WNT5B: variants seen among roughly 807,000 people sequenced by gnomAD.
WNT5B encodes the protein Wnt family member 5B.
A neutral mutation model predicts 36.5 loss-of-function variants in WNT5B; 18 were observed. That is an observed-to-expected ratio of 0.49 (90% CI 0.34 to 0.73). WNT5B has a LOEUF of 0.73. Ranked by LOEUF, WNT5B falls within the 30% of genes least tolerant of loss-of-function variation. The pLI, the probability that WNT5B is intolerant of heterozygous loss-of-function variation, is 0.01. For missense variants in WNT5B, 424 were observed against 508.4 expected (o/e 0.83, Z 1.60); for synonymous variants, 213 against 212.3 (o/e 1.00, Z -0.03).
At chr12:1,637,581 C>CAA (rs61542245) in intron 3 of WNT5B, among the ~76,000 whole-genome samples, 28 of 110,372 alleles carry the variant, frequency 2.5e-4, no homozygotes, top group African/African-American at 9.0e-4. Flanking sequence ...ACTAAACATA[C>CAA]AAAAAAAAAA....
intron 4 of WNT5B, among the ~76,000 whole-genome samples, chr12:1,643,971 A>G (rs1177273566): frequency 6.6e-6 from 1 of 152,074 alleles, no homozygotes; most frequent in Non-Finnish European, 1.5e-5. Flanking sequence ...CTTGCCCTGC[A>G]GGGTCTTGCT....
upstream of WNT5B, among the ~76,000 whole-genome samples, chr12:1,626,708 G>A (rs1403935662): frequency 1.3e-5 from 2 of 152,072 alleles, no homozygotes; most frequent in Non-Finnish European, 1.5e-5. Flanking sequence ...GGGACTACAG[G>A]CGCCCGCCAC....
chr12:1,633,098 C>G lies in WNT5B; in HGVS notation c.328+193C>G, dbSNP rs7314133. The stretch of plus-strand genomic sequence containing the variant: ...GCTCTGGGAGGCTGCAGAAACCACA[C>G]GCTTGATGTTCCTCTAGCTCTCTGC... On this transcript the variant is annotated intron_variant, in intron 3 of 4. Transcript: ENST00000397196. This position sits in a 1 kb window ranked among gnomAD's most constrained non-coding sequence, Gnocchi z 4.8. Among the ~76,000 whole-genome samples, 259 of 152,230 alleles carry G rather than the reference C, an allele frequency of 1.7e-3. No individual in the cohort carries two copies. Among genetic ancestry groups the G allele is most frequent in the Non-Finnish European group, 2.9e-3 (198 of 68,024 alleles).
chr12:1,638,946 A>G (rs762279657), intron 3 of WNT5B, among the ~76,000 whole-genome samples: 3 of 152,278 alleles, frequency 2.0e-5, no homozygotes, highest in Non-Finnish European at 4.4e-5. Context: ...TTCTGCTAGG[A>G]TACAACGTCC....
chr12:1,628,160 CTTT>C (rs59145675), upstream of WNT5B, among the ~76,000 whole-genome samples: 2 of 145,912 alleles, frequency 1.4e-5, no homozygotes, highest in African/African-American at 2.5e-5. Context: ...CTGACTCCCA[CTTT>C]TTTTTTTTTT....
intron 3 of WNT5B, among the ~76,000 whole-genome samples, chr12:1,636,512 T>C (rs1312139780): frequency 3.7e-5 from 2 of 54,498 alleles, no homozygotes; most frequent in African/African-American, 1.7e-4. Context: ...TATATATATA[T>C]ATATATATAT....
chr12:1,618,293 G>A lies in WNT5B; in HGVS notation c.-58+1150G>A, dbSNP rs145477895. On this transcript the variant is annotated intron_variant, in intron 1 of 4. Transcript: ENST00000310594. The surrounding 1 kb of genome is among the most constrained non-coding windows in gnomAD (Gnocchi z 4.1). ...AAGACACATTTTTATTCTAATTAGC[G>A]CATGGCATAGAGAGAGGTTATCCAC... Among the ~76,000 whole-genome samples, 30 of 152,268 alleles carry A rather than the reference G, an allele frequency of 2.0e-4. No homozygotes were observed. Among genetic ancestry groups the A allele is most frequent in the Non-Finnish European group, 3.4e-4 (23 of 68,032 alleles).
At chr12:1,638,480 G>C (rs2094566506) in intron 3 of WNT5B, among the ~76,000 whole-genome samples, 1 of 152,152 alleles carries the variant, frequency 6.6e-6, no homozygotes, top group Non-Finnish European at 1.5e-5. Flanking sequence ...GTTTTTCCGT[G>C]TTCTCACCAA....
At chr12:1,626,364 A>C (rs1453323188), upstream of WNT5B, among the ~76,000 whole-genome samples, 1 of 150,708 alleles carries the variant, frequency 6.6e-6, no homozygotes, top group Non-Finnish European at 1.5e-5. Flanking sequence ...CCCGAGTTCA[A>C]GCAATTCTCC....
In WNT5B at chr12:1,644,995, G is replaced by C. The variant is rs1592541647; in HGVS notation, c.622-799G>C. The C allele has an allele frequency of 6.6e-6, 1 of 152,362 alleles. No individual in the cohort carries two copies. The highest frequency in any genetic ancestry group is 2.4e-5 in the African/African-American group (1 of 41,568). 9.4% of individuals were successfully genotyped at this position (152,362 alleles called of 1,614,324 possible). A position where few individuals can be genotyped will look rare whatever the true frequency, so the allele number is the denominator to read the frequency against. Reference sequence around the variant, plus strand: ...GGGGCTGCTCGGGAGGAAGACGGTGGTCTTGCTCACAAATGGATGGTGTAT... The same window carrying C: ...GGGGCTGCTCGGGAGGAAGACGGTGCTCTTGCTCACAAATGGATGGTGTAT... On this transcript the variant is annotated intron_variant, in intron 4 of 4. Coordinates refer to ENST00000397196, the MANE Select transcript of WNT5B (RefSeq NM_032642.3). This position sits in a 1 kb window ranked among gnomAD's most constrained non-coding sequence, Gnocchi z 5.1.
chr12:1,638,051 A>T (rs2094565550), intron 3 of WNT5B, among the ~76,000 whole-genome samples: 1 of 152,202 alleles, frequency 6.6e-6, no homozygotes, highest in East Asian at 1.9e-4. Context: ...GATCGAGACC[A>T]TCCTGGCTAA....
chr12:1,638,009 G>T (rs1216311856), intron 3 of WNT5B, among the ~76,000 whole-genome samples: 1 of 152,180 alleles, frequency 6.6e-6, no homozygotes, highest in Non-Finnish European at 1.5e-5. Context: ...AGCACTTTGG[G>T]AGGCCCAGGC....
intron 4 of WNT5B, among the ~76,000 whole-genome samples, chr12:1,642,104 T>G (rs943378283): frequency 6.6e-6 from 1 of 152,182 alleles, no homozygotes; most frequent in Non-Finnish European, 1.5e-5. Context: ...TGGCAATTGC[T>G]GATCTGTGAT....
upstream of WNT5B, among the ~76,000 whole-genome samples, chr12:1,624,486 G>C (rs115403255): frequency 9.1e-3 from 1,389 of 152,160 alleles, 15 homozygotes; most frequent in African/African-American, 0.032. Flanking sequence ...TCCAAGCCAG[G>C]GTCAACCATT....
rs1003829146 is a variant in WNT5B at position 1,622,182 on chromosome 12, C to T, written c.-58+5039C>T. On this transcript the variant is annotated intron_variant, in intron 1 of 4. Transcript: ENST00000310594. ...CTGGAGTGCAGTGGCGTGATCTCGG[C>T]TCACTGCAAGCTCCGCTTCCCGGGT... is the stretch of plus-strand genomic sequence containing the variant. 4.1e-5 allele frequency among the ~76,000 whole-genome samples: 6 copies of T among 147,666 alleles called. No homozygotes were observed. The East Asian group carries it at 8.1e-4, about 20-fold the overall frequency.
At chr12:1,628,824 A>C (rs2094544683), upstream of WNT5B, among the ~76,000 whole-genome samples, 1 of 143,442 alleles carries the variant, frequency 7.0e-6, no homozygotes, top group Admixed American at 6.9e-5. Context: ...AAGAGAGGGC[A>C]AACAGCTGCC....
In WNT5B at chr12:1,644,724, G is replaced by T. The variant is rs2094582051; in HGVS notation, c.622-1070G>T. On this transcript the variant is annotated intron_variant, in intron 4 of 4. Coordinates refer to ENST00000397196, the MANE Select transcript of WNT5B (RefSeq NM_032642.3). The surrounding 1 kb of genome is among the most constrained non-coding windows in gnomAD (Gnocchi z 5.1). ...ACGTCTAGGCCTGCTGCCAGGGTTG[G>T]TTGCCATGGTGCGTCAGCATGCTGC... The T allele has an allele frequency of 6.6e-6, 1 of 152,242 alleles. No individual in the cohort carries two copies. The highest frequency in any genetic ancestry group is 1.5e-5 in the Non-Finnish European group (1 of 68,046). The allele number at this position is 152,242 out of a possible 1,614,324, so 9.4% of individuals were successfully genotyped here.
At chr12:1,621,764 C>G (rs9634146) in intron 1 of WNT5B, among the ~76,000 whole-genome samples, 29,233 of 148,918 alleles carry the variant, frequency 0.2, 2,900 homozygotes, top group East Asian at 0.29. Context: ...AGGCTGGTCT[C>G]AAACTCCTGG....
intron 3 of WNT5B, among the ~76,000 whole-genome samples, chr12:1,639,043 G>C (rs377706466): frequency 1.3e-5 from 2 of 152,106 alleles, no homozygotes; most frequent in East Asian, 1.9e-4. Flanking sequence ...TCTCCCCTCC[G>C]CTGAGGTCTC....
Sources: gnomAD v4.1 joint callset for allele counts (sites outside exome capture counted in the v4.1 genomes callset) on GRCh38, gnomAD v4.1.1 for gene constraint, Gnocchi (gnomAD v3.1) non-coding constraint, MANE v1.5 for transcripts, NCBI Gene and HGNC (gene_info 2026-07-23, HGNC 2026-07-21) for gene names.